ENPEP: variants seen among roughly 807,000 people sequenced by gnomAD.
ENPEP encodes the protein glutamyl aminopeptidase.
A neutral mutation model predicts 114.5 loss-of-function variants in ENPEP; 103 were observed. The ratio of observed to expected loss-of-function variants is 0.90; its 90% CI spans 0.77 to 1.06. The LOEUF (loss-of-function observed/expected upper bound fraction) is 1.06, where lower values mean the gene tolerates loss of function less well. Among genes scored for constraint, ENPEP ranks in the 50% least tolerant of loss-of-function variants. ENPEP has a pLI of 0.00. For missense variants in ENPEP, 1,196 were observed against 1,161.3 expected, an observed-to-expected ratio of 1.03 and a Z score of -0.43; for synonymous variants, 420 against 422.0, an observed-to-expected ratio of 1.00 and a Z score of 0.06.
At position 110,476,462 on chromosome 4, in the gene ENPEP, G is replaced by A. The variant is rs1225718514; in HGVS notation, c.48G>A (p.Thr16=). 1.9e-6 allele frequency: 3 copies of A among 1,549,292 alleles called. No homozygotes were observed. Among genetic ancestry groups the A allele is most frequent in the Non-Finnish European group, 2.6e-6 (3 of 1,145,458 alleles). The change falls in exon 1 of 20, where the codon ACG becomes ACA. Residue 16 remains threonine (T), a synonymous_variant. Transcript: ENST00000265162. ...REGSKRYCIQ[T]KHVAILCAVV... Reference sequence around the variant, plus strand: ...GCTCTAAGAGATACTGCATTCAAACGAAACATGTGGCCATTCTCTGTGCGG... The same window carrying A: ...GCTCTAAGAGATACTGCATTCAAACAAAACATGTGGCCATTCTCTGTGCGG...
chr4:110,515,080 C>T (rs1308422543), intron 7 of ENPEP, among the ~76,000 whole-genome samples: 1 of 152,144 alleles, frequency 6.6e-6, no homozygotes, highest in African/African-American at 2.4e-5. Flanking sequence ...TTAAGAAAGC[C>T]CCATCTGCTG....
At chr4:110,540,581 T>C (rs1334175365) in intron 11 of ENPEP, among the ~76,000 whole-genome samples, 1 of 152,156 alleles carries the variant, frequency 6.6e-6, no homozygotes, top group Non-Finnish European at 1.5e-5. Context: ...TGGAAAGTCC[T>C]TAACTACTGA....
At chr4:110,550,764 A>T (rs551138164) in intron 17 of ENPEP, among the ~76,000 whole-genome samples, 1 of 152,270 alleles carries the variant, frequency 6.6e-6, no homozygotes, top group East Asian at 1.9e-4. Context: ...AATAAAAATG[A>T]CATCTATCCT....
rs572030500 is a variant in ENPEP at position 110,520,271 on chromosome 4, T to C, written c.1632T>C (p.Tyr544=). 2 of 1,613,964 alleles carry C rather than the reference T, an allele frequency of 1.2e-6. No homozygotes were observed. Among genetic ancestry groups the C allele is most frequent in the Non-Finnish European group, 1.7e-6 (2 of 1,179,914 alleles). Residue 544 remains tyrosine, a synonymous_variant, in exon 10 of 20, where the codon TAT becomes TAC. Transcript: ENST00000265162. The part of the protein sequence containing the change: ...VMDTWTRQMG[Y]PVLNVNGVKN... ...ACACCTGGACCAGACAGATGGGTTA[T>C]CCTGTGCTTAACGTGAACGGTGTCA...
At position 110,532,630 on chromosome 4, in the gene ENPEP, C is replaced by T. The variant is rs548461907; in HGVS notation, c.1807+1353C>T. On this transcript the variant is annotated intron_variant, in intron 11 of 19. Coordinates refer to ENST00000265162, the MANE Select transcript of ENPEP (RefSeq NM_001977.4). Reference sequence around the variant, plus strand: ...CACCTTTGGGCCTTTTAAAAAAAAACGTTTATTGTTAACAGTTTTTGTGAT... The same window carrying T: ...CACCTTTGGGCCTTTTAAAAAAAAATGTTTATTGTTAACAGTTTTTGTGAT... Among the ~76,000 whole-genome samples the T allele has an allele frequency of 7.9e-5, 12 of 151,844 alleles. No individual in the cohort carries two copies. The South Asian group carries it at 1.3e-3, about 16-fold the overall frequency.
chr4:110,511,387 A>C (rs1292803377), intron 6 of ENPEP, among the ~76,000 whole-genome samples: 1 of 152,112 alleles, frequency 6.6e-6, no homozygotes, highest in Non-Finnish European at 1.5e-5. Flanking sequence ...AAATGCCAGT[A>C]ACCTGCCAGC....
At position 110,549,332 on chromosome 4, in the gene ENPEP, T is replaced by C. The variant is rs1490521036; in HGVS notation, c.2152-14T>C. ...GTAAATTGTTACTTATTGTACATAA[T>C]ACTTTTATTTCAGGAATACTTCCAA... is the stretch of plus-strand genomic sequence containing the variant. On this transcript the variant is annotated splice_polypyrimidine_tract_variant and intron_variant, in intron 14 of 19. Transcript: ENST00000265162. 1 of 1,604,716 alleles carries C rather than the reference T, an allele frequency of 6.2e-7. No individual in the cohort carries two copies. Among genetic ancestry groups the C allele is most frequent in the African/African-American group, 1.3e-5 (1 of 74,690 alleles).
intron 3 of ENPEP, among the ~76,000 whole-genome samples, chr4:110,497,217 C>A (rs1244916596): frequency 6.6e-6 from 1 of 152,086 alleles, no homozygotes; most frequent in Non-Finnish European, 1.5e-5. Flanking sequence ...GACATATGGT[C>A]ATTTCATTAT....
intron 13 of ENPEP, 129 bp downstream of exon 13, chr4:110,543,199 A>G (rs1726919791): frequency 4.5e-6 from 4 of 888,946 alleles, no homozygotes; most frequent in African/African-American, 3.4e-5. Flanking sequence ...TATTTAAAAC[A>G]TTATTGTTTT....
In ENPEP at chr4:110,516,479, C is replaced by T. The variant is rs950595026; in HGVS notation, c.1509+1037C>T. Among the ~76,000 whole-genome samples the T allele has an allele frequency of 2.0e-5, 3 of 152,172 alleles. 1 individual carries two copies. The stretch of plus-strand genomic sequence containing the variant: ...CCTTCCACCTACATCCTGCCTGCTG[C>T]GATAACCCAGGTAGTCAGGAGTAGC... On this transcript the variant is annotated intron_variant, in intron 8 of 19. Transcript: ENST00000265162.
rs1560570461 is a variant in ENPEP at position 110,549,902 on chromosome 4, A to G, written c.2501+16A>G. 1 of 1,593,432 alleles carries G rather than the reference A, an allele frequency of 6.3e-7. No individual in the cohort carries two copies. Among genetic ancestry groups the G allele is most frequent in the South Asian group, 1.1e-5 (1 of 89,004 alleles). On this transcript the variant is annotated intron_variant, in intron 17 of 19. Transcript: ENST00000265162. ...TTTTGTCAAGGTAAGTTGGGCTTTT[A>G]TTTCACATATATAAATAGTATTTAA...
rs762627730 is a variant in ENPEP, at chr4:110,506,762, G to A, written c.1039+5G>A. ...ATTATTCTCTTCCTAAATTAGGTGA[G>A]GATCATTTTTTAATTTTCTTATTTT... On this transcript the variant is annotated splice_donor_5th_base_variant and intron_variant, in intron 4 of 19. Transcript: ENST00000265162. The A allele has an allele frequency of 1.4e-5, 22 of 1,528,040 alleles. No individual in the cohort carries two copies. The African/African-American group carries it at 2.8e-4, about 19-fold the overall frequency. 94.7% of individuals were successfully genotyped at this position (1,528,040 alleles called of 1,614,324 possible).
intron 10 of ENPEP, among the ~76,000 whole-genome samples, chr4:110,526,739 A>T (rs1227233242): frequency 6.6e-6 from 1 of 152,096 alleles, no homozygotes; most frequent in Admixed American, 6.6e-5. Flanking sequence ...GCAGTTGGGG[A>T]GGAGTGGAGG....
Position 110,511,565 on chromosome 4 carries a change from C to T in ENPEP, c.1308+1207C>T, listed in dbSNP as rs1725577676. On this transcript the variant is annotated intron_variant, in intron 6 of 19. Transcript: ENST00000265162. ...AATTGTGTTGTCCTTTATTTTCTCC[C>T]ATACAGTATACTGAGGCCCTTATAG... 1.3e-5 allele frequency among the ~76,000 whole-genome samples: 2 copies of T among 152,084 alleles called. 1 individual carries two copies. Among genetic ancestry groups the T allele is most frequent in the South Asian group, 4.2e-4 (2 of 4,810 alleles).
Position 110,513,562 on chromosome 4 carries a change from G to A in ENPEP, c.1443+13G>A. 1 of 1,610,116 alleles carries A rather than the reference G, an allele frequency of 6.2e-7. No homozygotes were observed. The highest frequency in any genetic ancestry group is 1.3e-5 in the African/African-American group (1 of 74,886). On this transcript the variant is annotated intron_variant, in intron 7 of 19. Transcript: ENST00000265162. ...ATCCTATAGCAAGGTGGGAGAAATA[G>A]AACATTGTTTTGAACATCTTCCTGT...
chr4:110,483,451 A>G (rs1282029983), intron 1 of ENPEP, among the ~76,000 whole-genome samples: 1 of 152,074 alleles, frequency 6.6e-6, no homozygotes, highest in Non-Finnish European at 1.5e-5. Context: ...TTATGAGATA[A>G]TTAGGTACCT....
intron 11 of ENPEP, 30 bp from the exon 12 acceptor site, chr4:110,542,721 T>C: frequency 6.3e-7 from 1 of 1,583,928 alleles, no homozygotes. Flanking sequence ...TGCAAACATG[T>C]TGCTCATTAG....
At chr4:110,491,338 G>A (rs1007939021) in intron 3 of ENPEP, among the ~76,000 whole-genome samples, 174 bp downstream of exon 3, 4 of 151,506 alleles carry the variant, frequency 2.6e-5, no homozygotes, top group African/African-American at 4.9e-5. Flanking sequence ...AAGGATACAG[G>A]TAAAAAATAA....
intron 10 of ENPEP, 69 bp downstream of exon 10, chr4:110,520,435 C>T (rs1364476732): frequency 1.3e-6 from 2 of 1,508,386 alleles, no homozygotes; most frequent in Non-Finnish European, 9.2e-7. Flanking sequence ...TGTTTATATC[C>T]TATTGTTGAG....
Sources: gnomAD v4.1 joint callset for allele counts (sites outside exome capture counted in the v4.1 genomes callset) on GRCh38, gnomAD v4.1.1 for gene constraint, MANE v1.5 for transcripts, NCBI Gene and HGNC (gene_info 2026-07-23, HGNC 2026-07-21) for gene names.